Variants in TMEM9 observed in about 807,000 individuals in gnomAD.
TMEM9 encodes transmembrane protein 9.
Under a neutral mutation model 22.8 loss-of-function variants are expected in TMEM9, and 13 were observed. The ratio of observed to expected loss-of-function variants is 0.57; its 90% CI spans 0.37 to 0.91. TMEM9 has a LOEUF of 0.91. TMEM9 is among the 40% of genes least tolerant of loss of function. TMEM9 has a pLI of 0.01. For missense variants in TMEM9, 182 were observed against 238.1 expected (o/e 0.76, Z 1.55); for synonymous variants, 88 against 93.0 (o/e 0.95, Z 0.31).
At chr1:201,162,893 A>C (rs1021908422) in intron 1 of TMEM9, among the ~76,000 whole-genome samples, 2 of 152,068 alleles carry the variant, frequency 1.3e-5, no homozygotes, top group African/African-American at 4.8e-5. Flanking sequence ...ACAATTAGAA[A>C]GTAGGCAAAA....
intron 1 of TMEM9, among the ~76,000 whole-genome samples, chr1:201,153,326 T>C (rs1393868606): frequency 6.6e-6 from 1 of 152,216 alleles, no homozygotes; most frequent in Non-Finnish European, 1.5e-5. Context: ...GTGCCTGAGA[T>C]AGTGACGCCT....
chr1:201,145,866 G>A (rs1181207715), intron 3 of TMEM9, among the ~76,000 whole-genome samples: 1 of 152,226 alleles, frequency 6.6e-6, no homozygotes, highest in East Asian at 1.9e-4. Context: ...GGAGGCTGAG[G>A]TGGGAGGGTT....
intron 1 of TMEM9, among the ~76,000 whole-genome samples, chr1:201,159,992 C>T (rs1209751899): frequency 6.6e-6 from 1 of 152,216 alleles, no homozygotes; most frequent in Non-Finnish European, 1.5e-5. Context: ...ACTGCATGTG[C>T]TCTTTTGGGT....
intron 4 of TMEM9, among the ~76,000 whole-genome samples, chr1:201,139,512 C>A (rs1411196312): frequency 2.6e-5 from 4 of 152,102 alleles, no homozygotes; most frequent in African/African-American, 9.7e-5. Flanking sequence ...CAGCTGGGAC[C>A]CACCTGCTCA....
chr1:201,154,178 G>T lies in TMEM9; in HGVS notation c.-255C>A. On this transcript the variant is annotated 5_prime_UTR_variant, in exon 1 of 5. Coordinates refer to ENST00000367330, the MANE Select transcript of TMEM9 (RefSeq NM_001288565.2). ...GAGCCCGGCAGAGGGGTCCTCGAGG[G>T]GACACCGCTGCCAGGGGCCTCCAGT... 1 of 460,110 alleles carries T rather than the reference G, an allele frequency of 2.2e-6. No individual in the cohort carries two copies. 28.5% of individuals were successfully genotyped at this position (460,110 alleles called of 1,614,324 possible).
intron 1 of TMEM9, among the ~76,000 whole-genome samples, chr1:201,169,665 A>T (rs182112857): frequency 6.6e-6 from 1 of 152,288 alleles, no homozygotes; most frequent in East Asian, 1.9e-4. Flanking sequence ...TGCCCAGAGA[A>T]ATTTCTTGCT....
At chr1:201,168,779 G>A (rs980134066) in intron 1 of TMEM9, among the ~76,000 whole-genome samples, 4 of 111,410 alleles carry the variant, frequency 3.6e-5, no homozygotes, top group East Asian at 2.7e-4. Flanking sequence ...GGGGCAGGGG[G>A]CATTATTTTT....
intron 3 of TMEM9, chr1:201,145,781 T>C (rs1664907522): frequency 2.0e-5 from 3 of 152,196 alleles, no homozygotes; most frequent in Admixed American, 1.3e-4. Context: ...GGCAAGACAG[T>C]GAGACCCTGT....
At chr1:201,143,731 G>C (rs1664726327) in intron 4 of TMEM9, 89 bp downstream of exon 4, 1 of 1,379,596 alleles carries the variant, frequency 7.2e-7, no homozygotes, top group Non-Finnish European at 1.0e-6. Context: ...TGGGGAGGTG[G>C]GACCTGGACC....
In TMEM9 at chr1:201,148,589, C is replaced by T. The variant is rs923944389; in HGVS notation, c.159-1741G>A. 3.3e-5 allele frequency among the ~76,000 whole-genome samples: 5 copies of T among 152,182 alleles called. No individual in the cohort carries two copies. In the East Asian group the frequency reaches 7.7e-4, roughly 23 times the overall value. On this transcript the variant is annotated intron_variant, in intron 2 of 4. Coordinates refer to ENST00000367330, the MANE Select transcript of TMEM9 (RefSeq NM_001288565.2). ...TTGCACCGGATAATCTTTAAAAGGCCCTTCCAGCTCTGACAGGAGTCCTGC... is the reference window on the plus strand; with the variant it reads ...TTGCACCGGATAATCTTTAAAAGGCTCTTCCAGCTCTGACAGGAGTCCTGC...
At position 201,135,825 on chromosome 1, in the gene TMEM9, G is replaced by A; in HGVS notation, c.400-10C>T. 1 of 1,576,500 alleles carries A rather than the reference G, an allele frequency of 6.3e-7. No individual in the cohort carries two copies. ...CCATAGAGCGAGCATCCTGTAGTGG[G>A]AAGAAAAAAAGAGAAGATCTGGCAC... On this transcript the variant is annotated splice_polypyrimidine_tract_variant and intron_variant, in intron 4 of 4. Coordinates refer to ENST00000367330, the MANE Select transcript of TMEM9 (RefSeq NM_001288565.2).
intron 1 of TMEM9, among the ~76,000 whole-genome samples, chr1:201,165,037 T>C (rs955169252): frequency 6.6e-6 from 1 of 151,840 alleles, no homozygotes; most frequent in African/African-American, 2.4e-5. Flanking sequence ...TGCTTGTTTT[T>C]CACAGGAATG....
In TMEM9 at chr1:201,154,037, G is replaced by C. The variant is rs375553821; in HGVS notation, c.-114C>G. 1 of 1,286,148 alleles carries C rather than the reference G, an allele frequency of 7.8e-7. No homozygotes were observed. The highest frequency in any genetic ancestry group is 1.1e-6 in the Non-Finnish European group (1 of 948,524). 79.7% of individuals were successfully genotyped at this position (1,286,148 alleles called of 1,614,324 possible). ...AGCACGCTAGGCCCTTAACCATCCG[G>C]CCAAGTGGGAATGGGGTTGGGGGCT... is the stretch of plus-strand genomic sequence containing the variant. On this transcript the variant is annotated 5_prime_UTR_variant, in exon 1 of 5. Transcript: ENST00000367330.
In TMEM9 at chr1:201,135,513, T is replaced by A. The variant is rs1663908003; in HGVS notation, c.*150A>T. The A allele has an allele frequency of 1.2e-5, 9 of 773,976 alleles. No homozygotes were observed. The highest frequency in any genetic ancestry group is 2.0e-6 in the Non-Finnish European group (1 of 510,288). The allele number at this position is 773,976 out of a possible 1,614,324, so 47.9% of individuals were successfully genotyped here. A position where few individuals can be genotyped will look rare whatever the true frequency, so the allele number is the denominator to read the frequency against. ...CTAATCAAAATAGCCAAGTACAACA[T>A]TTCTAAAGTTAGGGAGAAGGAGGAA... is the stretch of plus-strand genomic sequence containing the variant. On this transcript the variant is annotated 3_prime_UTR_variant, in exon 5 of 5. Coordinates refer to ENST00000367330, the MANE Select transcript of TMEM9 (RefSeq NM_001288565.2).
At chr1:201,142,076 G>A (rs1664573600) in intron 4 of TMEM9, among the ~76,000 whole-genome samples, 1 of 152,140 alleles carries the variant, frequency 6.6e-6, no homozygotes, top group Non-Finnish European at 1.5e-5. Flanking sequence ...GTAGGCACAC[G>A]AGGTTTCCTC....
intron 1 of TMEM9, among the ~76,000 whole-genome samples, chr1:201,161,404 A>G (rs544508842): frequency 6.6e-6 from 1 of 152,320 alleles, no homozygotes; most frequent in Admixed American, 6.5e-5. Context: ...GCTGGTTTAG[A>G]AGGCCCTAAG....
At chr1:201,146,557 G>A in intron 3 of TMEM9, 183 bp downstream of exon 3, 5 of 699,834 alleles carry the variant, frequency 7.1e-6, no homozygotes, top group Non-Finnish European at 1.3e-5. Flanking sequence ...GAGCAGAGAA[G>A]GGAGCTGGCT....
At position 201,137,471 on chromosome 1, in the gene TMEM9, AACACACACACACAC is replaced by A. The variant is rs144662228; in HGVS notation, c.400-1670_400-1657del. Among the ~76,000 whole-genome samples, 958 of 146,652 alleles carry A rather than the reference AACACACACACACAC, an allele frequency of 6.5e-3. 17 individuals carry two copies. Among genetic ancestry groups the A allele is most frequent in the African/African-American group, 0.022 (872 of 39,582 alleles). On this transcript the variant is annotated intron_variant, in intron 4 of 4. Transcript: ENST00000367330. ...AGGAATTATAGTTACCAAATTATCTAACACACACACACACACACACACACACACACACACACACA... is the reference window on the plus strand; with the variant it reads ...AGGAATTATAGTTACCAAATTATCTAACACACACACACACACACACACACA...
chr1:201,155,733 C>T (rs1379788840), upstream of TMEM9, among the ~76,000 whole-genome samples: 1 of 152,190 alleles, frequency 6.6e-6, no homozygotes, highest in Non-Finnish European at 1.5e-5. Context: ...TCCTTTAGGA[C>T]ACCGCCTTTG....
Sources: gnomAD v4.1 joint callset for allele counts (sites outside exome capture counted in the v4.1 genomes callset) on GRCh38, gnomAD v4.1.1 for gene constraint, MANE v1.5 for transcripts, NCBI Gene and HGNC (gene_info 2026-07-23, HGNC 2026-07-21) for gene names.